The following DSCAML1 variants were observed in gnomAD, a reference collection of about 807,000 sequenced individuals.
DSCAML1 encodes the protein cell adhesion molecule DSCAML1.
In DSCAML1, 38 loss-of-function variants were observed where a neutral mutation model predicts 200.5. That is an observed-to-expected ratio of 0.19 (90% CI 0.15 to 0.25). The LOEUF (loss-of-function observed/expected upper bound fraction) is 0.25, where lower values mean the gene tolerates loss of function less well. Among genes scored for constraint, DSCAML1 ranks in the 10% least tolerant of loss-of-function variants. The probability of loss-of-function intolerance (pLI) is 1.00; values close to 1 mark genes in which losing one functional copy is unlikely to be tolerated. For missense variants in DSCAML1, 2,223 were observed against 2,858.8 expected (o/e 0.78, Z 5.07); for synonymous variants, 1,215 against 1,165.0 (o/e 1.04, Z -0.87).
rs776916531 is a variant in DSCAML1 at position 117,433,233 on chromosome 11, G to T, written c.4931C>A (p.Thr1644Asn). 3 of 1,612,564 alleles carry T rather than the reference G, an allele frequency of 1.9e-6. No individual in the cohort carries two copies. The highest frequency in any genetic ancestry group is 1.7e-5 in the Admixed American group (1 of 59,754). ...GCCCTGGGGTGGCCCTTTCACAGGGGTGTCAAAGCTTCTATTGTTCTTGCT... is the reference window on the plus strand; with the variant it reads ...GCCCTGGGGTGGCCCTTTCACAGGGTTGTCAAAGCTTCTATTGTTCTTGCT... ...LISKNNRSFD[T>N]PVKGPPQGPR... is the part of the protein sequence containing the mutation. Residue 1644 changes from threonine (T) to asparagine (N), a missense_variant, in exon 29 of 33, where the codon ACC (threonine) becomes AAC (asparagine). Physicochemically the swap from Thr to Asn is moderately conservative, Grantham distance 65 (BLOSUM62 0). Transcript: ENST00000651296.
intron 3 of DSCAML1, 94 bp from the exon 4 acceptor site, chr11:117,532,616 A>G: frequency 7.9e-7 from 1 of 1,267,344 alleles, no homozygotes; most frequent in African/African-American, 1.5e-5. Context: ...ATTTTCACAC[A>G]CAAACAAAAT....
intron 3 of DSCAML1, among the ~76,000 whole-genome samples, chr11:117,604,801 A>G (rs1185532474): frequency 6.6e-6 from 1 of 152,140 alleles, no homozygotes; most frequent in African/African-American, 2.4e-5. Flanking sequence ...GCAATGGAAA[A>G]AGATCTCTCC....
chr11:117,809,543 G>A (rs1038139924), intron 1 of DSCAML1, among the ~76,000 whole-genome samples: 17 of 152,134 alleles, frequency 1.1e-4, no homozygotes, highest in Non-Finnish European at 2.2e-4. Flanking sequence ...CAACATAGAC[G>A]GCGGCCACTC....
At chr11:117,781,322 GA>G (rs1438366856) in intron 1 of DSCAML1, among the ~76,000 whole-genome samples, 1 of 150,688 alleles carries the variant, frequency 6.6e-6, no homozygotes, top group African/African-American at 2.4e-5. Context: ...AAGAAAAAAA[GA>G]AAAGAGAAAA....
chr11:117,766,620 C>T (rs1251692812), intron 3 of DSCAML1, among the ~76,000 whole-genome samples: 5 of 152,216 alleles, frequency 3.3e-5, no homozygotes, highest in Non-Finnish European at 7.3e-5. Context: ...ATGCTGCTTG[C>T]TCTGTGTCCA....
intron 11 of DSCAML1, among the ~76,000 whole-genome samples, chr11:117,493,583 G>T (rs2049231335): frequency 6.6e-6 from 1 of 151,794 alleles, no homozygotes; most frequent in South Asian, 2.1e-4. Context: ...CAAAGTGCTG[G>T]GATTACAGGC....
chr11:117,577,287 T>C (rs1401087009), intron 3 of DSCAML1, among the ~76,000 whole-genome samples: 2 of 152,230 alleles, frequency 1.3e-5, no homozygotes, highest in Non-Finnish European at 2.9e-5. Flanking sequence ...CAGTGTTCAA[T>C]TCAACACAAC....
intron 14 of DSCAML1, among the ~76,000 whole-genome samples, chr11:117,478,060 C>T (rs1274040880): frequency 1.3e-5 from 2 of 152,244 alleles, no homozygotes; most frequent in Non-Finnish European, 2.9e-5. Flanking sequence ...CTGCAGGGAG[C>T]CAGAAGGGCA....
At chr11:117,777,521 T>C (rs2055149189) in intron 2 of DSCAML1, among the ~76,000 whole-genome samples, 1 of 152,168 alleles carries the variant, frequency 6.6e-6, no homozygotes, top group Admixed American at 6.5e-5. Context: ...GATCCTGAGC[T>C]TACAAGGACA....
chr11:117,688,042 G>A (rs996638502), intron 3 of DSCAML1, among the ~76,000 whole-genome samples: 1 of 152,220 alleles, frequency 6.6e-6, no homozygotes, highest in African/African-American at 2.4e-5. Context: ...AGCTGTTGGA[G>A]GAAGGAGGGA....
intron 27 of DSCAML1, among the ~76,000 whole-genome samples, 172 bp from the exon 28 acceptor site, chr11:117,433,643 C>T (rs538490881): frequency 5.3e-5 from 8 of 152,162 alleles, no homozygotes; most frequent in African/African-American, 7.2e-5. Context: ...CAAAACATGA[C>T]GCGGTTTCAC....
At chr11:117,431,446 G>T in intron 31 of DSCAML1, 88 bp downstream of exon 31, 1 of 1,265,246 alleles carries the variant, frequency 7.9e-7, no homozygotes, top group African/African-American at 1.5e-5. Flanking sequence ...TGAGCTGGTG[G>T]GTAGAAGCTG....
At chr11:117,442,233 T>TCC (rs2048073926) in intron 21 of DSCAML1, among the ~76,000 whole-genome samples, 1 of 150,544 alleles carries the variant, frequency 6.6e-6, no homozygotes, top group South Asian at 2.1e-4. Context: ...AGTGTGTGTG[T>TCC]GCGTGTGTAT....
At chr11:117,688,121 T>C (rs2053436524) in intron 3 of DSCAML1, among the ~76,000 whole-genome samples, 1 of 152,062 alleles carries the variant, frequency 6.6e-6, no homozygotes, top group South Asian at 2.1e-4. Flanking sequence ...GAGGGAAGAA[T>C]GGAATTCTCA....
At chr11:117,590,540 C>T (rs1045505471) in intron 3 of DSCAML1, among the ~76,000 whole-genome samples, 1 of 152,200 alleles carries the variant, frequency 6.6e-6, no homozygotes, top group Non-Finnish European at 1.5e-5. Context: ...GCCAGAACTG[C>T]CTGTTCCTCC....
rs768965500 is a variant in DSCAML1 at position 117,642,070 on chromosome 11, C to A, written c.512-109548G>T. On this transcript the variant is annotated intron_variant, in intron 3 of 32. Coordinates refer to ENST00000651296, the MANE Select transcript of DSCAML1 (RefSeq NM_020693.4). This position sits in a 1 kb window ranked among gnomAD's most constrained non-coding sequence, Gnocchi z 4.1. The stretch of plus-strand genomic sequence containing the variant: ...CCTGGTGACAGCTCCCTTTTCTGAA[C>A]ATCGATGGCAGTCATCTCTACCTCA... Among the ~76,000 whole-genome samples, 20 of 152,174 alleles carry A rather than the reference C, an allele frequency of 1.3e-4. No individual in the cohort carries two copies. Among genetic ancestry groups the A allele is most frequent in the Non-Finnish European group, 2.4e-4 (16 of 68,026 alleles).
chr11:117,628,957 C>T (rs1030293288), intron 3 of DSCAML1, among the ~76,000 whole-genome samples: 1 of 152,152 alleles, frequency 6.6e-6, no homozygotes, highest in African/African-American at 2.4e-5. Flanking sequence ...CAGCCAGCTG[C>T]TGGCTAGACA....
rs140002100 is a variant in DSCAML1, at chr11:117,473,314, T to C, written c.2786-1278A>G. Among the ~76,000 whole-genome samples the C allele has an allele frequency of 8.7e-4, 133 of 152,192 alleles. 1 individual carries two copies. Among genetic ancestry groups the C allele is most frequent in the Middle Eastern group, 6.8e-3 (2 of 292 alleles). ...GAGTTTGAGACCAGCTGGGACAATA[T>C]GGTGAAACTCTGTCTGTACTAAAAA... is the stretch of plus-strand genomic sequence containing the variant. On this transcript the variant is annotated intron_variant, in intron 14 of 32. Coordinates refer to ENST00000651296, the MANE Select transcript of DSCAML1 (RefSeq NM_020693.4).
chr11:117,487,064 A>G (rs2049087456), intron 11 of DSCAML1, among the ~76,000 whole-genome samples: 1 of 151,758 alleles, frequency 6.6e-6, no homozygotes, highest in African/African-American at 2.4e-5. Context: ...AGCTGGGATT[A>G]CAAGCGCGTA....
Sources: gnomAD v4.1 joint callset for allele counts (sites outside exome capture counted in the v4.1 genomes callset) on GRCh38, gnomAD v4.1.1 for gene constraint, Gnocchi (gnomAD v3.1) non-coding constraint, MANE v1.5 for transcripts, NCBI Gene and HGNC (gene_info 2026-07-23, HGNC 2026-07-21) for gene names.